SMC4: variants seen among roughly 807,000 people sequenced by gnomAD.
SMC4 encodes structural maintenance of chromosomes protein 4.
Under a neutral mutation model 145.6 loss-of-function variants are expected in SMC4, and 87 were observed. The observed-to-expected ratio is 0.60, with a 90% CI of 0.50 to 0.71. SMC4 has a LOEUF of 0.71. Ranked by LOEUF, SMC4 falls within the 30% of genes least tolerant of loss-of-function variation. The pLI is 0.00. For synonymous variants in SMC4, 558 were observed against 500.7 expected, an observed-to-expected ratio of 1.11 and a Z score of -1.53; for missense variants, 1,447 against 1,537.1, an observed-to-expected ratio of 0.94 and a Z score of 0.98.
At chr3:160,430,548 C>T (rs1326179655) in intron 18 of SMC4, 51 bp from the exon 19 acceptor site, 2 of 1,439,630 alleles carry the variant, frequency 1.4e-6, no homozygotes, top group African/African-American at 2.9e-5. Context: ...TTTTCAGAAA[C>T]AATAACAAAT....
chr3:160,429,941 T>C (rs943726608), intron 18 of SMC4, among the ~76,000 whole-genome samples: 1 of 151,214 alleles, frequency 6.6e-6, no homozygotes, highest in Admixed American at 6.6e-5. Context: ...GGTCTTGAAC[T>C]CCTGACGTCA....
chr3:160,408,869 C>G (rs549065049), intron 5 of SMC4, among the ~76,000 whole-genome samples: 47 of 152,132 alleles, frequency 3.1e-4, no homozygotes, highest in African/African-American at 1.1e-3. Context: ...CCCAGGTTGT[C>G]ATTGTAATAC....
In SMC4 at chr3:160,404,402, T is replaced by C. The variant is rs760760241; in HGVS notation, c.585T>C (p.Ser195=). The C allele has an allele frequency of 1.9e-6, 3 of 1,611,638 alleles. No individual in the cohort carries two copies. The Admixed American group carries it at 5.0e-5, about 27-fold the overall frequency. The part of the protein sequence containing the change: ...VSRTACRDNT[S]VYHISGKKKT... ...GAACGGCCTGCAGAGATAATACTTC[T>C]GTCTATCACATAAGTGGAAAGAAAA... Residue 195 remains serine, a synonymous_variant, in exon 5 of 24, where the codon TCT becomes TCC. Coordinates refer to ENST00000357388, the MANE Select transcript of SMC4 (RefSeq NM_001002800.3).
At chr3:160,404,656 T>C in intron 5 of SMC4, 152 bp downstream of exon 5, 1 of 803,616 alleles carries the variant, frequency 1.2e-6, no homozygotes, top group Non-Finnish European at 2.3e-6. Context: ...GAATCATTAT[T>C]TGCTGCTCTA....
chr3:160,419,486 T>G lies in SMC4; in HGVS notation c.1800T>G (p.Leu600=). The G allele has an allele frequency of 6.2e-7, 1 of 1,607,536 alleles. No homozygotes were observed. Among genetic ancestry groups the G allele is most frequent in the Non-Finnish European group, 8.5e-7 (1 of 1,178,598 alleles). ...TGAATCGAAGTAGGGGGAAAGTCCTTGATGCAATAATTCAAGAAAAAAAAT... is the reference window on the plus strand; with the variant it reads ...TGAATCGAAGTAGGGGGAAAGTCCTGGATGCAATAATTCAAGAAAAAAAAT... ...LAMNRSRGKV[L]DAIIQEKKSG... The change falls in exon 12 of 24, where the codon CTT becomes CTG. Residue 600 remains leucine (L), a synonymous_variant. Transcript: ENST00000357388.
Position 160,414,435 on chromosome 3 carries a change from A to T in SMC4, c.1190A>T (p.Asp397Val). 1 of 1,610,644 alleles carries T rather than the reference A, an allele frequency of 6.2e-7. No individual in the cohort carries two copies. The highest frequency in any genetic ancestry group is 2.2e-5 in the East Asian group (1 of 44,760). The part of the protein sequence containing the change: ...KEKFTQLDLE[D>V]VQVREKLKHA... ...AAATTTACACAGCTAGATTTGGAAG[A>T]TGTTCAAGTTAGAGAAAAGTTAAAA... Residue 397 changes from aspartate (D) to valine (V), a missense_variant, in exon 9 of 24, where the codon GAT becomes GTT. Coordinates refer to ENST00000357388, the MANE Select transcript of SMC4 (RefSeq NM_001002800.3).
In SMC4 at chr3:160,420,854, C is replaced by CT. The variant is rs781671405; in HGVS notation, c.1974dup (p.Lys659Ter). On this transcript the variant is annotated frameshift_variant, in exon 13 of 24. Coordinates refer to ENST00000357388, the MANE Select transcript of SMC4 (RefSeq NM_001002800.3). LOFTEE classifies it high-confidence loss of function. ...TATAGCCCAAGAATGTGTAAACTTC[C>CT]TTAAAAGACAAAATATTGGAGTTGC... The CT allele has an allele frequency of 1.8e-5, 29 of 1,613,576 alleles. No homozygotes were observed. The highest frequency in any genetic ancestry group is 2.4e-5 in the Non-Finnish European group (28 of 1,179,796).
In SMC4 at chr3:160,430,629, G is replaced by T; in HGVS notation, c.2826G>T (p.Leu942Phe). ...RNLQKAQDSV[L>F]RTEKEIKDTE... The stretch of plus-strand genomic sequence containing the variant: ...TTCAAAAGGCACAAGACTCTGTCTT[G>T]CGTACAGAGAAAGAAATAAAAGATA... The change falls in exon 19 of 24, where the codon TTG (leucine) becomes TTT (phenylalanine). Residue 942 changes from leucine to phenylalanine, a missense_variant. Physicochemically the swap from Leu to Phe is conservative, Grantham distance 22 (BLOSUM62 0). Coordinates refer to ENST00000357388, the MANE Select transcript of SMC4 (RefSeq NM_001002800.3). The T allele has an allele frequency of 6.2e-7, 1 of 1,613,004 alleles. No homozygotes were observed. Among genetic ancestry groups the T allele is most frequent in the East Asian group, 2.2e-5 (1 of 44,780 alleles).
chr3:160,405,409 A>T (rs1322493387), intron 5 of SMC4, among the ~76,000 whole-genome samples: 2 of 151,936 alleles, frequency 1.3e-5, no homozygotes, highest in African/African-American at 4.8e-5. Context: ...ATCCAGAATC[A>T]CCGAAGCATA....
In SMC4 at chr3:160,412,462, CTTGA is replaced by C. The variant is rs1716111700; in HGVS notation, c.980+15_980+18del. ...GTTTGTCAATATTATATGTAAGTGC[CTTGA>C]TTGATATTACCAATTTTTATATTAG... On this transcript the variant is annotated intron_variant, in intron 7 of 23. Coordinates refer to ENST00000357388, the MANE Select transcript of SMC4 (RefSeq NM_001002800.3). The C allele has an allele frequency of 6.3e-7, 1 of 1,590,088 alleles. No individual in the cohort carries two copies. Among genetic ancestry groups the C allele is most frequent in the African/African-American group, 1.4e-5 (1 of 73,632 alleles).
Position 160,424,961 on chromosome 3 carries a change from T to G in SMC4, c.2420T>G (p.Leu807Ter). 1.2e-6 allele frequency: 2 copies of G among 1,613,442 alleles called. No homozygotes were observed. Among genetic ancestry groups the G allele is most frequent in the Non-Finnish European group, 1.7e-6 (2 of 1,179,858 alleles). Reference protein sequence around the residue: ...KVQLEERVVKLRHSEREMRNT... With the variant: ...KVQLEERVVK ...CAACTTGAAGAAAGAGTAGTTAAGT[T>G]ACGGCATAGTGAACGAGAAATGAGG... The change falls in exon 16 of 24, where the codon TTA (leucine) becomes TGA (stop). Residue 807 changes from leucine to a stop codon, truncating the protein, a stop_gained. Transcript: ENST00000357388. LOFTEE classifies it high-confidence loss of function.
At chr3:160,424,784 TGGGC>T (rs1717590194) in intron 15 of SMC4, 79 bp from the exon 16 acceptor site, 16 of 1,523,564 alleles carry the variant, frequency 1.1e-5, no homozygotes, top group Non-Finnish European at 1.4e-5. Context: ...CACTCCAGCC[TGGGC>T]GACAGAAGTT....
At chr3:160,421,695 G>C (rs1270951548) in intron 13 of SMC4, among the ~76,000 whole-genome samples, 4 of 152,158 alleles carry the variant, frequency 2.6e-5, no homozygotes, top group African/African-American at 9.7e-5. Context: ...AGTGAACCTA[G>C]ATTGCGCCAC....
rs769838561 is a variant in SMC4, at chr3:160,400,857, G to A, written c.31G>A (p.Ala11Thr). 3 of 1,534,684 alleles carry A rather than the reference G, an allele frequency of 2.0e-6. No individual in the cohort carries two copies. Among genetic ancestry groups the A allele is most frequent in the Admixed American group, 1.9e-5 (1 of 53,560 alleles). The stretch of plus-strand genomic sequence containing the variant: ...CCGTAAAGGCACCCAGCCCTCCACT[G>A]CCCGGCGCAGAGAGGAAGGGCCGCC... MPRKGTQPST[A>T]RRREEGPPPP... The change falls in exon 2 of 24, where the codon GCC becomes ACC. Residue 11 changes from alanine (A) to threonine (T), a missense_variant. Coordinates refer to ENST00000357388, the MANE Select transcript of SMC4 (RefSeq NM_001002800.3).
intron 6 of SMC4, 66 bp downstream of exon 6, chr3:160,412,150 A>G: frequency 1.3e-6 from 2 of 1,537,806 alleles, no homozygotes; most frequent in Non-Finnish European, 8.8e-7. Flanking sequence ...AAATTTTAGT[A>G]AGTCAGATAT....
chr3:160,424,119 A>G (rs1442886593), intron 15 of SMC4, among the ~76,000 whole-genome samples: 1 of 152,130 alleles, frequency 6.6e-6, no homozygotes, highest in African/African-American at 2.4e-5. Flanking sequence ...TCTGTTTTAC[A>G]TTTAATTTAT....
At chr3:160,421,652 G>A (rs1282140008) in intron 13 of SMC4, among the ~76,000 whole-genome samples, 1 of 152,158 alleles carries the variant, frequency 6.6e-6, no homozygotes, top group Non-Finnish European at 1.5e-5. Context: ...GCTGAAGCAG[G>A]AGAATTGCCT....
intron 13 of SMC4, among the ~76,000 whole-genome samples, chr3:160,421,398 A>G (rs1316873805): frequency 6.6e-6 from 1 of 152,226 alleles, no homozygotes; most frequent in Non-Finnish European, 1.5e-5. Context: ...AAAGGAATGT[A>G]CATTCCAGAG....
At chr3:160,419,736 C>G (rs1716971214) in intron 12 of SMC4, among the ~76,000 whole-genome samples, 193 bp downstream of exon 12, 1 of 151,976 alleles carries the variant, frequency 6.6e-6, no homozygotes, top group Non-Finnish European at 1.5e-5. Context: ...TAGATAAATA[C>G]AATTATTTCA....
Sources: gnomAD v4.1 joint callset for allele counts (sites outside exome capture counted in the v4.1 genomes callset) on GRCh38, gnomAD v4.1.1 for gene constraint, MANE v1.5 for transcripts, NCBI Gene and HGNC (gene_info 2026-07-23, HGNC 2026-07-21) for gene names.